ZC2HC1B: variants seen among roughly 807,000 people sequenced by gnomAD.
ZC2HC1B encodes zinc finger C2HC domain-containing protein 1B.
ZC2HC1B carries 36 observed loss-of-function variants against 31.0 expected under a neutral mutation model. That is an observed-to-expected ratio of 1.16 (90% CI 0.89 to 1.54). ZC2HC1B has a LOEUF of 1.54. Ranked by LOEUF, ZC2HC1B falls within the 40% of genes most tolerant of loss-of-function variation. The pLI is 0.00. For synonymous variants in ZC2HC1B, 73 were observed against 88.0 expected, an observed-to-expected ratio of 0.83 and a Z score of 0.95; for missense variants, 260 against 268.6, an observed-to-expected ratio of 0.97 and a Z score of 0.22.
chr6:143,925,958 T>C (rs1778035393), intron 6 of ZC2HC1B, among the ~76,000 whole-genome samples: 1 of 152,250 alleles, frequency 6.6e-6, no homozygotes, highest in Non-Finnish European at 1.5e-5. Context: ...GTGGTATCAG[T>C]TGTAATGTCT....
rs535675422 is a variant in ZC2HC1B, at chr6:143,889,649, CT to C, written c.349+2830del. 9.2e-5 allele frequency among the ~76,000 whole-genome samples: 14 copies of C among 152,146 alleles called. No homozygotes were observed. In the South Asian group the frequency reaches 2.7e-3, roughly 29 times the overall value. On this transcript the variant is annotated intron_variant, in intron 4 of 7. Transcript: ENST00000237275. ...AATGTTTATGTACCTAGTAACAGAG[CT>C]TCTAAGAATGTGAAACAAAAACTGA...
Position 143,933,744 on chromosome 6 carries a change from T to G in ZC2HC1B, c.599-3905T>G, listed in dbSNP as rs567225443. Among the ~76,000 whole-genome samples, 5 of 152,242 alleles carry G rather than the reference T, an allele frequency of 3.3e-5. No homozygotes were observed. Among genetic ancestry groups the G allele is most frequent in the African/African-American group, 1.2e-4 (5 of 41,534 alleles). On this transcript the variant is annotated intron_variant, in intron 6 of 7. Transcript: ENST00000237275. This position sits in a 1 kb window ranked among gnomAD's most constrained non-coding sequence, Gnocchi z 6.4. ...CTGGGACTCAGATCTAGTCCCAGGC[T>G]CTAAGTTTCCCCACTGAGGAAGCAA...
intron 6 of ZC2HC1B, among the ~76,000 whole-genome samples, chr6:143,916,639 G>A (rs1777919805): frequency 6.6e-6 from 1 of 152,242 alleles, no homozygotes; most frequent in Non-Finnish European, 1.5e-5. Flanking sequence ...TACACCTCTT[G>A]CATCAGAGTG....
intron 5 of ZC2HC1B, among the ~76,000 whole-genome samples, chr6:143,901,442 T>G (rs1777737855): frequency 6.7e-6 from 1 of 148,696 alleles, no homozygotes; most frequent in Admixed American, 6.7e-5. Context: ...GTATTTTTAG[T>G]AGAGACGAGG....
intron 5 of ZC2HC1B, 118 bp downstream of exon 5, chr6:143,898,809 T>C (rs746989092): frequency 5.3e-5 from 67 of 1,270,234 alleles, no homozygotes; most frequent in Admixed American, 8.0e-5. Context: ...TGAAGAGAGC[T>C]GATCATGATT....
intron 6 of ZC2HC1B, among the ~76,000 whole-genome samples, chr6:143,906,689 C>T (rs1777798176): frequency 6.6e-6 from 1 of 151,870 alleles, no homozygotes; most frequent in Admixed American, 6.6e-5. Flanking sequence ...AGTGATCTTC[C>T]CGCCTTGGCC....
Position 143,905,374 on chromosome 6 carries a change from T to C in ZC2HC1B, c.598+2222T>C, listed in dbSNP as rs1582965864. Among the ~76,000 whole-genome samples, 1 of 152,224 alleles carries C rather than the reference T, an allele frequency of 6.6e-6. No homozygotes were observed. The highest frequency in any genetic ancestry group is 1.5e-5 in the Non-Finnish European group (1 of 68,028). ...TTTTTTTGATTGTTCATTGTCAGTA[T>C]ATAGAAACACAACTAATTTTCCTGT... On this transcript the variant is annotated intron_variant, in intron 6 of 7. Transcript: ENST00000237275. The surrounding 1 kb of genome is among the most constrained non-coding windows in gnomAD (Gnocchi z 4.2).
At chr6:143,881,886 T>C (rs1387339564) in intron 1 of ZC2HC1B, 5 of 152,212 alleles carry the variant, frequency 3.3e-5, no homozygotes, top group African/African-American at 9.7e-5. Context: ...ATATCATTTG[T>C]ATCTGTCAGT....
intron 6 of ZC2HC1B, among the ~76,000 whole-genome samples, chr6:143,919,644 T>A (rs1252013602): frequency 1.3e-5 from 2 of 152,196 alleles, no homozygotes; most frequent in East Asian, 3.9e-4. Flanking sequence ...TGGGTTCTTA[T>A]TTGCCTACCA....
chr6:143,915,243 A>G lies in ZC2HC1B; in HGVS notation c.598+12091A>G, dbSNP rs868858163. ...CACGAGATCTGATGGTTTTAAAAAG[A>G]GGAGTTCCCCTGCACAATCTCTGTG... is the stretch of plus-strand genomic sequence containing the variant. On this transcript the variant is annotated intron_variant, in intron 6 of 7. Coordinates refer to ENST00000237275, the MANE Select transcript of ZC2HC1B (RefSeq NM_001013623.3). The surrounding 1 kb of genome is among the most constrained non-coding windows in gnomAD (Gnocchi z 5.2). 1.6e-4 allele frequency among the ~76,000 whole-genome samples: 25 copies of G among 152,150 alleles called. No individual in the cohort carries two copies. Among genetic ancestry groups the G allele is most frequent in the African/African-American group, 5.6e-4 (23 of 41,428 alleles).
At chr6:143,935,512 T>C (rs757118813) in intron 6 of ZC2HC1B, among the ~76,000 whole-genome samples, 42 of 152,014 alleles carry the variant, frequency 2.8e-4, no homozygotes, top group Non-Finnish European at 5.4e-4. Context: ...CTCATAAGGG[T>C]CTTTTTTTTT....
intron 1 of ZC2HC1B, among the ~76,000 whole-genome samples, chr6:143,875,364 C>CAG (rs1777393499): frequency 6.6e-6 from 1 of 151,392 alleles, no homozygotes; most frequent in African/African-American, 2.4e-5. Context: ...TGGATCCCTT[C>CAG]TTCTACATTA....
At position 143,911,429 on chromosome 6, in the gene ZC2HC1B, T is replaced by G. The variant is rs1777854743; in HGVS notation, c.598+8277T>G. ...AATGGCTTTTCCTTTCCATACTTAG[T>G]GCTTCCTTCAGGAGCTCTTGCAAGG... On this transcript the variant is annotated intron_variant, in intron 6 of 7. Coordinates refer to ENST00000237275, the MANE Select transcript of ZC2HC1B (RefSeq NM_001013623.3). This position sits in a 1 kb window ranked among gnomAD's most constrained non-coding sequence, Gnocchi z 4.5. Among the ~76,000 whole-genome samples, 1 of 152,228 alleles carries G rather than the reference T, an allele frequency of 6.6e-6. No individual in the cohort carries two copies.
chr6:143,900,402 A>G (rs954103713), intron 5 of ZC2HC1B, among the ~76,000 whole-genome samples: 8 of 151,826 alleles, frequency 5.3e-5, no homozygotes, highest in Admixed American at 1.3e-4. Context: ...AAAAAAAAAA[A>G]AAAGAAAAAG....
chr6:143,889,733 T>C (rs772131627), intron 4 of ZC2HC1B, among the ~76,000 whole-genome samples: 2 of 152,138 alleles, frequency 1.3e-5, no homozygotes, highest in African/African-American at 2.4e-5. Context: ...TTTATCACTC[T>C]TCTCTTAGTA....
At chr6:143,900,299 G>T (rs775832446) in intron 5 of ZC2HC1B, among the ~76,000 whole-genome samples, 5 of 150,868 alleles carry the variant, frequency 3.3e-5, no homozygotes, top group Admixed American at 3.3e-4. Flanking sequence ...TGAGGCAGGA[G>T]AATTGCTTGA....
At chr6:143,912,757 T>G (rs1777875316) in intron 6 of ZC2HC1B, among the ~76,000 whole-genome samples, 1 of 152,084 alleles carries the variant, frequency 6.6e-6, no homozygotes, top group Non-Finnish European at 1.5e-5. Context: ...TCTGGATGCT[T>G]TTGATAGAGC....
At chr6:143,927,215 G>A (rs139956667) in intron 6 of ZC2HC1B, among the ~76,000 whole-genome samples, 1 of 152,192 alleles carries the variant, frequency 6.6e-6, no homozygotes, top group East Asian at 1.9e-4. Flanking sequence ...ATATTGCGTA[G>A]TGTTGAGGTC....
rs986170710 is a variant in ZC2HC1B, at chr6:143,864,483, T to C, written c.-57T>C. On this transcript the variant is annotated 5_prime_UTR_variant, in exon 1 of 8. Transcript: ENST00000237275. Reference sequence around the variant, plus strand: ...GTTTATGTTCTTGACTAGTATGATGTTATCTGGACTGGGCTGTAAAAATCT... The same window carrying C: ...GTTTATGTTCTTGACTAGTATGATGCTATCTGGACTGGGCTGTAAAAATCT... 3.8e-5 allele frequency: 59 copies of C among 1,537,928 alleles called. No individual in the cohort carries two copies. Among genetic ancestry groups the C allele is most frequent in the Non-Finnish European group, 1.2e-5 (14 of 1,135,580 alleles).
Sources: gnomAD v4.1 joint callset for allele counts (sites outside exome capture counted in the v4.1 genomes callset) on GRCh38, gnomAD v4.1.1 for gene constraint, Gnocchi (gnomAD v3.1) non-coding constraint, MANE v1.5 for transcripts, NCBI Gene and HGNC (gene_info 2026-07-23, HGNC 2026-07-21) for gene names.